TAFA1: variants seen among roughly 807,000 people sequenced by gnomAD.
The protein encoded by TAFA1 is TAFA chemokine like family member 1.
A neutral mutation model predicts 18.5 loss-of-function variants in TAFA1; 4 were observed. That is an observed-to-expected ratio of 0.22 (90% CI 0.11 to 0.49). The LOEUF (loss-of-function observed/expected upper bound fraction) is 0.49. Ranked by LOEUF, TAFA1 falls within the 20% of genes least tolerant of loss-of-function variation. The pLI is 0.98. For missense variants in TAFA1, 147 were observed against 169.0 expected (o/e 0.87, Z 0.72); for synonymous variants, 56 against 55.2 (o/e 1.01, Z -0.06).
intron 2 of TAFA1, among the ~76,000 whole-genome samples, chr3:68,371,847 A>C (rs2069712813): frequency 6.6e-6 from 1 of 152,196 alleles, no homozygotes; most frequent in Non-Finnish European, 1.5e-5. Flanking sequence ...CACTGTTTTT[A>C]ATTGGGAATG....
chr3:68,195,845 A>G (rs571368063), intron 2 of TAFA1, among the ~76,000 whole-genome samples: 1 of 151,126 alleles, frequency 6.6e-6, no homozygotes, highest in Admixed American at 6.6e-5. Context: ...ATGTCTTTGT[A>G]TTTCCTTTAA....
chr3:68,324,607 G>A (rs546013300), intron 2 of TAFA1, among the ~76,000 whole-genome samples: 2 of 152,100 alleles, frequency 1.3e-5, no homozygotes, highest in Non-Finnish European at 2.9e-5. Context: ...ACAAGTATTT[G>A]GTTGGTGCAA....
rs9698292 is a variant in TAFA1 at position 68,078,792 on chromosome 3, C to T, written c.118+72048C>T. On this transcript the variant is annotated intron_variant, in intron 2 of 4. Transcript: ENST00000478136. ...ATTCTCTTTTTTTGTTGTGTCTCTG[C>T]CTGGCTTTGGTATCAGAATGATGCT... 2.6e-5 allele frequency among the ~76,000 whole-genome samples: 4 copies of T among 152,234 alleles called. No homozygotes were observed. In the East Asian group the frequency reaches 7.7e-4, roughly 29 times the overall value.
chr3:68,258,453 C>T (rs2067342043), intron 2 of TAFA1, among the ~76,000 whole-genome samples: 1 of 152,116 alleles, frequency 6.6e-6, no homozygotes, highest in Non-Finnish European at 1.5e-5. Flanking sequence ...TCCCTTTTTA[C>T]AAAATTATGA....
chr3:68,010,852 T>G (rs555501516), intron 2 of TAFA1, among the ~76,000 whole-genome samples: 32 of 152,296 alleles, frequency 2.1e-4, no homozygotes, highest in Non-Finnish European at 4.3e-4. Flanking sequence ...GAGCTTCTTT[T>G]TTATTTTTCA....
At chr3:68,530,568 C>T (rs2073174576) in intron 3 of TAFA1, among the ~76,000 whole-genome samples, 1 of 152,132 alleles carries the variant, frequency 6.6e-6, no homozygotes, top group Non-Finnish European at 1.5e-5. Context: ...CCTTAAAGAT[C>T]TTCTTTCATA....
At chr3:68,412,341 T>A (rs943128855) in intron 2 of TAFA1, among the ~76,000 whole-genome samples, 3 of 151,804 alleles carry the variant, frequency 2.0e-5, no homozygotes, top group Non-Finnish European at 4.4e-5. Flanking sequence ...AGTTTCTTTT[T>A]TTTTTCTTTT....
chr3:68,116,168 T>C (rs1409404939), intron 2 of TAFA1, among the ~76,000 whole-genome samples: 2 of 152,062 alleles, frequency 1.3e-5, no homozygotes, highest in Non-Finnish European at 2.9e-5. Context: ...GGCAGGAGAA[T>C]GGCATGAACC....
chr3:67,998,203 A>T, the TAFA1 span, among the ~76,000 whole-genome samples: 1 of 152,208 alleles, frequency 6.6e-6, no homozygotes, highest in African/African-American at 2.4e-5. Flanking sequence ...GACTTTTAAA[A>T]TTTTTAGTTT....
At chr3:68,510,631 A>C (rs926852383) in intron 3 of TAFA1, among the ~76,000 whole-genome samples, 4 of 152,118 alleles carry the variant, frequency 2.6e-5, no homozygotes, top group Admixed American at 6.6e-5. Context: ...ATTGCATCTA[A>C]AACTTAGAAT....
At chr3:68,271,482 G>T (rs1276740744) in intron 2 of TAFA1, among the ~76,000 whole-genome samples, 2 of 152,058 alleles carry the variant, frequency 1.3e-5, no homozygotes, top group Non-Finnish European at 1.5e-5. Context: ...GTAAAACTGG[G>T]GTATTATTCC....
intron 2 of TAFA1, among the ~76,000 whole-genome samples, chr3:68,290,971 T>C (rs1021968541): frequency 2.0e-5 from 3 of 152,126 alleles, no homozygotes; most frequent in African/African-American, 7.2e-5. Context: ...TTTATTTCAC[T>C]CTGCTAAGCT....
intron 2 of TAFA1, among the ~76,000 whole-genome samples, chr3:68,347,109 A>G (rs2069175815): frequency 1.3e-5 from 2 of 152,138 alleles, no homozygotes; most frequent in South Asian, 2.1e-4. Flanking sequence ...CATGGCCGTT[A>G]TTATACATCA....
intron 3 of TAFA1, among the ~76,000 whole-genome samples, chr3:68,495,626 T>C (rs531134273): frequency 6.6e-6 from 1 of 152,258 alleles, no homozygotes; most frequent in Non-Finnish European, 1.5e-5. Context: ...TTGTCATTTA[T>C]TGCTTCCACC....
chr3:68,098,192 T>C (rs554845061), intron 2 of TAFA1, among the ~76,000 whole-genome samples: 2 of 152,130 alleles, frequency 1.3e-5, no homozygotes, highest in Non-Finnish European at 1.5e-5. Flanking sequence ...AAGTCAATAA[T>C]TGAATGCATC....
chr3:68,088,404 C>A (rs59728287), intron 2 of TAFA1, among the ~76,000 whole-genome samples: 1 of 152,056 alleles, frequency 6.6e-6, no homozygotes, highest in African/African-American at 2.4e-5. Flanking sequence ...TGTGACATCA[C>A]GTATAAAGCA....
At chr3:68,340,673 T>C (rs2069066197) in intron 2 of TAFA1, among the ~76,000 whole-genome samples, 1 of 152,290 alleles carries the variant, frequency 6.6e-6, no homozygotes, top group African/African-American at 2.4e-5. Flanking sequence ...CCTAGGCACA[T>C]TAGATTCTTG....
At chr3:68,017,974 A>AG (rs11451876) in intron 2 of TAFA1, among the ~76,000 whole-genome samples, 107,206 of 152,038 alleles carry the variant, frequency 0.71, 37,928 homozygotes, top group East Asian at 0.81. Context: ...GTCAGCTAGA[A>AG]GAACAGAAGG....
chr3:68,175,900 C>G (rs1191568161), intron 2 of TAFA1, among the ~76,000 whole-genome samples: 1 of 152,030 alleles, frequency 6.6e-6, no homozygotes, highest in Non-Finnish European at 1.5e-5. Flanking sequence ...TGGGAGGGAC[C>G]CAGTGGGAGG....
Sources: gnomAD v4.1 joint callset for allele counts (sites outside exome capture counted in the v4.1 genomes callset) on GRCh38, gnomAD v4.1.1 for gene constraint, MANE v1.5 for transcripts, NCBI Gene and HGNC (gene_info 2026-07-23, HGNC 2026-07-21) for gene names.